The following BEGAIN variants were observed in gnomAD, a reference collection of about 807,000 sequenced individuals.
BEGAIN encodes brain enriched guanylate kinase associated.
BEGAIN carries 19 observed loss-of-function variants against 35.8 expected under a neutral mutation model. The ratio of observed to expected loss-of-function variants is 0.53; its 90% CI spans 0.37 to 0.78. The LOEUF (loss-of-function observed/expected upper bound fraction) is 0.78, where lower values mean the gene tolerates loss of function less well. Ranked by LOEUF, BEGAIN falls within the 30% of genes least tolerant of loss-of-function variation. The probability of loss-of-function intolerance (pLI) is 0.00; values close to 1 mark genes in which losing one functional copy is unlikely to be tolerated. For missense variants in BEGAIN, 795 were observed against 853.6 expected (o/e 0.93, Z 0.85); for synonymous variants, 462 against 388.6 (o/e 1.19, Z -2.22).
At chr14:100,555,186 C>T (rs1268457715) in intron 2 of BEGAIN, among the ~76,000 whole-genome samples, 1 of 152,276 alleles carries the variant, frequency 6.6e-6, no homozygotes, top group Non-Finnish European at 1.5e-5. Flanking sequence ...GCTTCTGCCC[C>T]CCGCCAGGGC....
Position 100,546,743 on chromosome 14 carries a change from C to T in BEGAIN, c.72-81G>A, listed in dbSNP as rs551815044. 311 of 1,358,448 alleles carry T rather than the reference C, an allele frequency of 2.3e-4. 1 individual carries two copies. The highest frequency in any genetic ancestry group is 2.1e-3 in the Admixed American group (65 of 30,372). The allele number at this position is 1,358,448 out of a possible 1,614,324, so 84.1% of individuals were successfully genotyped here. A position where few individuals can be genotyped will look rare whatever the true frequency, so the allele number is the denominator to read the frequency against. On this transcript the variant is annotated intron_variant, in intron 2 of 6. Transcript: ENST00000554140. ...GGCCCGCAGGCCAGCCGGGGCGTGCCGCACTAACACGCGAGTACCGGCGCG... is the reference window on the plus strand; with the variant it reads ...GGCCCGCAGGCCAGCCGGGGCGTGCTGCACTAACACGCGAGTACCGGCGCG...
Position 100,568,275 on chromosome 14 carries a change from C to G in BEGAIN, c.43-336G>C, listed in dbSNP as rs561284170. Reference sequence around the variant, plus strand: ...GGAGGAGGGGGACTCGGCCTGTCCCCGTTAACTCTCCGGCGGCCGCGGCCC... The same window carrying G: ...GGAGGAGGGGGACTCGGCCTGTCCCGGTTAACTCTCCGGCGGCCGCGGCCC... On this transcript the variant is annotated intron_variant, in intron 1 of 6. Coordinates refer to ENST00000554140, the MANE Select transcript of BEGAIN (RefSeq NM_001385089.1). This position sits in a 1 kb window ranked among gnomAD's most constrained non-coding sequence, Gnocchi z 7.5. 3 of 692,438 alleles carry G rather than the reference C, an allele frequency of 4.3e-6. No homozygotes were observed. The highest frequency in any genetic ancestry group is 2.1e-6 in the Non-Finnish European group (1 of 473,774). The allele number at this position is 692,438 out of a possible 1,614,324, so 42.9% of individuals were successfully genotyped here. A position where few individuals can be genotyped will look rare whatever the true frequency, so the allele number is the denominator to read the frequency against.
chr14:100,544,882 G>T, intron 4 of BEGAIN, 118 bp downstream of exon 4: 1 of 1,001,152 alleles, frequency 1.0e-6, no homozygotes, highest in Non-Finnish European at 1.6e-6. Context: ...ATGGAGAAAG[G>T]GGTGGGACCA....
chr14:100,539,928 G>T (rs1024921492), intron 6 of BEGAIN, among the ~76,000 whole-genome samples: 1 of 152,194 alleles, frequency 6.6e-6, no homozygotes, highest in Non-Finnish European at 1.5e-5. Flanking sequence ...GAACGCACAG[G>T]CCTGGCTGGG....
Position 100,586,583 on chromosome 14 carries a change from A to G in BEGAIN, c.42+666T>C, listed in dbSNP as rs1429375941. Reference sequence around the variant, plus strand: ...AACGCTGGGGCAGAAATTCCCATCCAACGTGCTGGGGCTCAGGGAGGGTGA... The same window carrying G: ...AACGCTGGGGCAGAAATTCCCATCCGACGTGCTGGGGCTCAGGGAGGGTGA... On this transcript the variant is annotated intron_variant, in intron 1 of 6. Transcript: ENST00000554140. The surrounding 1 kb of genome is among the most constrained non-coding windows in gnomAD (Gnocchi z 4.9). 2.0e-5 allele frequency among the ~76,000 whole-genome samples: 3 copies of G among 152,116 alleles called. No homozygotes were observed. Among genetic ancestry groups the G allele is most frequent in the Non-Finnish European group, 4.4e-5 (3 of 68,008 alleles).
In BEGAIN at chr14:100,561,156, A is replaced by G. The variant is rs1419143410; in HGVS notation, c.71+6755T>C. ...CCCAACCATCGACGGCCCCTGGGGA[A>G]AAGTGCAGACAGCCTAGGGTGCGGA... On this transcript the variant is annotated intron_variant, in intron 2 of 6. Transcript: ENST00000554140. 3.6e-4 allele frequency among the ~76,000 whole-genome samples: 55 copies of G among 152,156 alleles called. 1 individual carries two copies. Among genetic ancestry groups the G allele is most frequent in the Admixed American group, 3.3e-3 (51 of 15,284 alleles).
chr14:100,557,019 G>T (rs910027994), intron 2 of BEGAIN, among the ~76,000 whole-genome samples: 2 of 152,134 alleles, frequency 1.3e-5, no homozygotes, highest in Non-Finnish European at 2.9e-5. Flanking sequence ...ACGAGTCAGG[G>T]CAGGCCAAAG....
rs1403025602 is a variant in BEGAIN, at chr14:100,568,048, G to T, written c.43-109C>A. On this transcript the variant is annotated intron_variant, in intron 1 of 6. Coordinates refer to ENST00000554140, the MANE Select transcript of BEGAIN (RefSeq NM_001385089.1). The surrounding 1 kb of genome is among the most constrained non-coding windows in gnomAD (Gnocchi z 7.5). ...CGGCCGGGCAACCCCGCGGGGCCCCGTCCGTGGGAAGCCCGGCGCCGCGCG... is the reference window on the plus strand; with the variant it reads ...CGGCCGGGCAACCCCGCGGGGCCCCTTCCGTGGGAAGCCCGGCGCCGCGCG... The T allele has an allele frequency of 1.8e-4, 207 of 1,135,970 alleles. No individual in the cohort carries two copies. Among genetic ancestry groups the T allele is most frequent in the Non-Finnish European group, 2.2e-4 (205 of 924,574 alleles). The allele number at this position is 1,135,970 out of a possible 1,614,324, so 70.4% of individuals were successfully genotyped here. A position where few individuals can be genotyped will look rare whatever the true frequency, so the allele number is the denominator to read the frequency against.
chr14:100,537,217 C>G lies in BEGAIN; in HGVS notation c.*752G>C, dbSNP rs1313257500. On this transcript the variant is annotated 3_prime_UTR_variant, in exon 7 of 7. Coordinates refer to ENST00000554140, the MANE Select transcript of BEGAIN (RefSeq NM_001385089.1). ...TAACTGGCAGGGCATGCATCAGAGA[C>G]AACAAGAATGCAAGCTACAGAAACC... 3 of 152,608 alleles carry G rather than the reference C, an allele frequency of 2.0e-5. No individual in the cohort carries two copies. The highest frequency in any genetic ancestry group is 7.2e-5 in the African/African-American group (3 of 41,416). 9.5% of individuals were successfully genotyped at this position (152,608 alleles called of 1,614,324 possible).
At chr14:100,552,019 A>G (rs1337114500) in intron 2 of BEGAIN, among the ~76,000 whole-genome samples, 1 of 152,162 alleles carries the variant, frequency 6.6e-6, no homozygotes, top group African/African-American at 2.4e-5. Flanking sequence ...GGCTGCCAGA[A>G]ACAACTGCCC....
rs1291191938 is a variant in BEGAIN, at chr14:100,538,060, G to C, written c.1748C>G (p.Pro583Arg). The change falls in exon 7 of 7, where the codon CCC becomes CGC. Residue 583 changes from proline to arginine, a missense_variant. Around this residue, in one of 3 missense-constraint regions of BEGAIN, gnomAD observed 664 missense variants for 647.7 expected, o/e 1.03. Transcript: ENST00000554140. ...PEMHPAARLS[P>R]QQAFPRTGGS... ...ACCAGTCCGCGGAAAGGCCTGCTGG[G>C]GGCTGAGGCGGGCGGCAGGATGCAT... 1 of 1,599,894 alleles carries C rather than the reference G, an allele frequency of 6.3e-7. No individual in the cohort carries two copies. The highest frequency in any genetic ancestry group is 1.3e-5 in the African/African-American group (1 of 74,388).
intron 2 of BEGAIN, chr14:100,546,913 T>C: frequency 2.7e-6 from 1 of 373,564 alleles, no homozygotes. Flanking sequence ...TTCCTCAGAC[T>C]CCACCAGTGT....
chr14:100,583,739 T>C (rs1012300590), intron 1 of BEGAIN, among the ~76,000 whole-genome samples: 3 of 134,438 alleles, frequency 2.2e-5, no homozygotes, highest in African/African-American at 8.4e-5. Context: ...GCCCAGGGGC[T>C]GGAGTGTAGT....
chr14:100,576,436 T>TA (rs2035204575), intron 1 of BEGAIN, among the ~76,000 whole-genome samples: 1 of 152,068 alleles, frequency 6.6e-6, no homozygotes, highest in African/African-American at 2.4e-5. Context: ...CTGAGAACAC[T>TA]AGTCAATGCT....
In BEGAIN at chr14:100,540,309, G is replaced by A. The variant is rs930498222; in HGVS notation, c.492+187C>T. On this transcript the variant is annotated intron_variant, in intron 6 of 6. Transcript: ENST00000554140. ...TGAGGGCCAGGGGCTGCCCGGCTGC[G>A]TGAGGTGGGGTGCCTTTGGCGGCCC... 13 of 594,714 alleles carry A rather than the reference G, an allele frequency of 2.2e-5. 1 individual carries two copies. Among genetic ancestry groups the A allele is most frequent in the African/African-American group, 1.5e-4 (8 of 53,666 alleles). 36.8% of individuals were successfully genotyped at this position (594,714 alleles called of 1,614,324 possible).
intron 5 of BEGAIN, among the ~76,000 whole-genome samples, chr14:100,542,808 A>G (rs2031824539): frequency 6.6e-6 from 1 of 152,206 alleles, no homozygotes; most frequent in Non-Finnish European, 1.5e-5. Flanking sequence ...TCGTCCCTAC[A>G]GCCTGTTTCC....
At chr14:100,564,653 G>A (rs2034546978) in intron 2 of BEGAIN, among the ~76,000 whole-genome samples, 1 of 152,262 alleles carries the variant, frequency 6.6e-6, no homozygotes, top group South Asian at 2.1e-4. Flanking sequence ...AGCCAAGGTG[G>A]CCAGGCCATC....
intron 1 of BEGAIN, among the ~76,000 whole-genome samples, chr14:100,575,760 G>A (rs2035188001): frequency 6.6e-6 from 1 of 152,128 alleles, no homozygotes; most frequent in African/African-American, 2.4e-5. Flanking sequence ...AGTCAAGCTG[G>A]GTTCCCGGGT....
At chr14:100,546,794 A>ACC in intron 2 of BEGAIN, 132 bp from the exon 3 acceptor site, 1 of 618,576 alleles carries the variant, frequency 1.6e-6, no homozygotes, top group Non-Finnish European at 2.5e-6. Flanking sequence ...ACACACACAC[A>ACC]CACACACACA....
Sources: gnomAD v4.1 joint callset for allele counts (sites outside exome capture counted in the v4.1 genomes callset) on GRCh38, gnomAD v4.1.1 for gene constraint, gnomAD v4.1.1 regional missense constraint, Gnocchi (gnomAD v3.1) non-coding constraint, MANE v1.5 for transcripts, NCBI Gene and HGNC (gene_info 2026-07-23, HGNC 2026-07-21) for gene names.